KIAA0319L: variants seen among roughly 807,000 people sequenced by gnomAD.
KIAA0319L encodes KIAA0319 like, also known as dyslexia-associated protein KIAA0319-like protein.
A neutral mutation model predicts 120.1 loss-of-function variants in KIAA0319L; 55 were observed. The observed-to-expected ratio is 0.46, with a 90% CI of 0.37 to 0.57. The LOEUF is 0.57. Among genes scored for constraint, KIAA0319L ranks in the 20% least tolerant of loss-of-function variants. The pLI, the probability that KIAA0319L is intolerant of heterozygous loss-of-function variation, is 0.00. For missense variants in KIAA0319L, 1,049 were observed against 1,255.3 expected, an observed-to-expected ratio of 0.84 and a Z score of 2.48; for synonymous variants, 398 against 471.9, an observed-to-expected ratio of 0.84 and a Z score of 2.03.
In KIAA0319L at chr1:35,506,515, T is replaced by C. The variant is rs1225516067; in HGVS notation, c.666+97A>G. ...CTTTATATATACACTCCTCAGCCTA[T>C]GAGCACTGCCCGCAAGCATCAGCTT... On this transcript the variant is annotated intron_variant, in intron 3 of 20. Transcript: ENST00000325722. This position sits in a 1 kb window ranked among gnomAD's most constrained non-coding sequence, Gnocchi z 4.0. 5 of 1,214,024 alleles carry C rather than the reference T, an allele frequency of 4.1e-6. No homozygotes were observed. The highest frequency in any genetic ancestry group is 5.8e-6 in the Non-Finnish European group (5 of 858,362). The allele number at this position is 1,214,024 out of a possible 1,614,324, so 75.2% of individuals were successfully genotyped here.
Position 35,435,091 on chromosome 1 carries a change from A to T in KIAA0319L, c.2963-10T>A. 1 of 1,612,740 alleles carries T rather than the reference A, an allele frequency of 6.2e-7. No homozygotes were observed. The highest frequency in any genetic ancestry group is 8.5e-7 in the Non-Finnish European group (1 of 1,179,162). On this transcript the variant is annotated splice_polypyrimidine_tract_variant and intron_variant, in intron 20 of 20. Coordinates refer to ENST00000325722, the MANE Select transcript of KIAA0319L (RefSeq NM_024874.5). Reference sequence around the variant, plus strand: ...CCTTTCTGTTTGATGCCTGCAGGGAAAACAAGGAATCCAGCATCAGGAGAC... The same window carrying T: ...CCTTTCTGTTTGATGCCTGCAGGGATAACAAGGAATCCAGCATCAGGAGAC...
chr1:35,455,809 G>A (rs2149097303), intron 10 of KIAA0319L, among the ~76,000 whole-genome samples: 1 of 152,070 alleles, frequency 6.6e-6, no homozygotes, highest in South Asian at 2.1e-4. Context: ...TCGAACTCCT[G>A]ACCTCATGAT....
In KIAA0319L at chr1:35,437,236, G is replaced by C. The variant is rs561590297; in HGVS notation, c.2963-2155C>G. On this transcript the variant is annotated intron_variant, in intron 20 of 20. Coordinates refer to ENST00000325722, the MANE Select transcript of KIAA0319L (RefSeq NM_024874.5). The surrounding 1 kb of genome is among the most constrained non-coding windows in gnomAD (Gnocchi z 4.1). ...CATCCAATCTCACCTCTGCAGCGCG[G>C]CACTTCTCCGGGCCATCACCGCCCG... 3.9e-5 allele frequency among the ~76,000 whole-genome samples: 6 copies of C among 152,248 alleles called. No individual in the cohort carries two copies. The highest frequency in any genetic ancestry group is 1.2e-4 in the African/African-American group (5 of 41,560).
chr1:35,453,762 T>C lies in KIAA0319L; in HGVS notation c.1781-73A>G. On this transcript the variant is annotated intron_variant, in intron 11 of 20. Transcript: ENST00000325722. The surrounding 1 kb of genome is among the most constrained non-coding windows in gnomAD (Gnocchi z 4.1). ...AAGGAGAGGAACCAATTGGGACACATGTTCTGGAAGCCATGGACTCTGCCT... is the reference window on the plus strand; with the variant it reads ...AAGGAGAGGAACCAATTGGGACACACGTTCTGGAAGCCATGGACTCTGCCT... The C allele has an allele frequency of 1.0e-5, 15 of 1,479,388 alleles. No individual in the cohort carries two copies. The highest frequency in any genetic ancestry group is 1.4e-5 in the Non-Finnish European group (15 of 1,091,760). The allele number at this position is 1,479,388 out of a possible 1,614,324, so 91.6% of individuals were successfully genotyped here.
intron 3 of KIAA0319L, among the ~76,000 whole-genome samples, chr1:35,502,876 C>G (rs531957429): frequency 2.8e-4 from 43 of 152,296 alleles, no homozygotes; most frequent in African/African-American, 1.0e-3. Flanking sequence ...GTACAAACTA[C>G]CTAGCAAAGT....
intron 3 of KIAA0319L, among the ~76,000 whole-genome samples, chr1:35,484,806 A>ATATATT (rs1381080295): frequency 4.4e-4 from 38 of 86,224 alleles, no homozygotes; most frequent in Non-Finnish European, 6.5e-4. Context: ...ATATATATAT[A>ATATATT]TTTTTTTTTT....
At position 35,434,956 on chromosome 1, in the gene KIAA0319L, C is replaced by T; in HGVS notation, c.3088G>A (p.Gly1030Ser). The change falls in exon 21 of 21, where the codon GGC (glycine) becomes AGC (serine). Residue 1030 changes from glycine (G) to serine (S), a missense_variant. Gly to Ser is a moderately conservative substitution (Grantham distance 56, BLOSUM62 0). Transcript: ENST00000325722. ...EKGKLLHGQN[G>S]SVPNGQTPLK... ...GGGGTCTGCCCGTTGGGTACAGAGCCATTCTGACCATGCAGGAGTTTGCCC... is the reference window on the plus strand; with the variant it reads ...GGGGTCTGCCCGTTGGGTACAGAGCTATTCTGACCATGCAGGAGTTTGCCC... 6.2e-7 allele frequency: 1 copy of T among 1,614,092 alleles called. No homozygotes were observed.
rs375233307 is a variant in KIAA0319L at position 35,523,575 on chromosome 1, T to C, written c.143-16440A>G. On this transcript the variant is annotated intron_variant, in intron 2 of 20. Transcript: ENST00000325722. ...GATGAGGCCCATATGCTACAATAAA[T>C]GAGGGTGGTAAATGACGGTTGGTAG... Among the ~76,000 whole-genome samples the C allele has an allele frequency of 4.2e-4, 64 of 152,216 alleles. 1 individual carries two copies. The highest frequency in any genetic ancestry group is 1.5e-3 in the African/African-American group (64 of 41,538).
At chr1:35,535,782 C>T (rs895225327) in intron 2 of KIAA0319L, among the ~76,000 whole-genome samples, 1 of 152,130 alleles carries the variant, frequency 6.6e-6, no homozygotes, top group African/African-American at 2.4e-5. Context: ...GTGCATCCTA[C>T]ATATACCTCT....
At chr1:35,436,686 A>G (rs889192476) in intron 20 of KIAA0319L, among the ~76,000 whole-genome samples, 3 of 152,144 alleles carry the variant, frequency 2.0e-5, no homozygotes, top group Non-Finnish European at 4.4e-5. Context: ...AACAACAGCA[A>G]CAAGAGAAAA....
intron 2 of KIAA0319L, among the ~76,000 whole-genome samples, chr1:35,525,677 T>TGG (rs1475768841): frequency 6.6e-6 from 1 of 152,190 alleles, no homozygotes; most frequent in Non-Finnish European, 1.5e-5. Flanking sequence ...CACTTTTTAA[T>TGG]GGGGCTATGT....
intron 9 of KIAA0319L, among the ~76,000 whole-genome samples, chr1:35,458,122 G>C (rs1212024518): frequency 2.0e-5 from 3 of 152,138 alleles, no homozygotes; most frequent in African/African-American, 7.2e-5. Flanking sequence ...ATTTTTAGTA[G>C]AGACGGGGTT....
chr1:35,557,452 T>G, upstream of KIAA0319L: 1 of 349,228 alleles, frequency 2.9e-6, no homozygotes, highest in Non-Finnish European at 5.6e-6. Context: ...ACACTCTCCA[T>G]GCTAACCAAG....
At chr1:35,532,157 C>A in intron 2 of KIAA0319L, among the ~76,000 whole-genome samples, 1 of 150,912 alleles carries the variant, frequency 6.6e-6, no homozygotes, top group East Asian at 2.0e-4. Flanking sequence ...GCAGGAGAAT[C>A]ATTGAACACA....
intron 2 of KIAA0319L, among the ~76,000 whole-genome samples, chr1:35,511,954 G>T (rs1256746042): frequency 2.0e-5 from 3 of 151,892 alleles, no homozygotes; most frequent in Admixed American, 2.0e-4. Context: ...ATTTTTGTTT[G>T]TCCACATATA....
At chr1:35,473,514 T>C (rs1250111775) in intron 5 of KIAA0319L, among the ~76,000 whole-genome samples, 4 of 152,190 alleles carry the variant, frequency 2.6e-5, no homozygotes, top group African/African-American at 9.7e-5. Flanking sequence ...GAGCCAAACA[T>C]GTCTTTCACA....
chr1:35,525,269 CAT>C (rs1646080416), intron 2 of KIAA0319L, among the ~76,000 whole-genome samples: 2 of 152,090 alleles, frequency 1.3e-5, no homozygotes, highest in African/African-American at 2.4e-5. Context: ...CACTTAATTC[CAT>C]ATCTTTGCTA....
intron 6 of KIAA0319L, among the ~76,000 whole-genome samples, chr1:35,468,074 C>T (rs1459537213): frequency 1.3e-5 from 2 of 151,958 alleles, no homozygotes; most frequent in Admixed American, 6.6e-5. Context: ...TCTAATTGTT[C>T]GATACTTGGG....
At chr1:35,495,569 C>T (rs1032530488) in intron 3 of KIAA0319L, among the ~76,000 whole-genome samples, 2 of 151,996 alleles carry the variant, frequency 1.3e-5, no homozygotes, top group Admixed American at 6.6e-5. Context: ...TTGCAAATCA[C>T]GTATCTGAGA....
Sources: allele counts gnomAD v4.1 joint callset (sites outside exome capture counted in the v4.1 genomes callset), GRCh38; gene constraint gnomAD v4.1.1; non-coding constraint Gnocchi (gnomAD v3.1); transcripts MANE v1.5; gene names NCBI Gene and HGNC (gene_info 2026-07-23, HGNC 2026-07-21).